Variants in MSI2 observed in about 807,000 individuals in gnomAD.
MSI2 encodes the protein RNA-binding protein Musashi homolog 2.
A neutral mutation model predicts 45.6 loss-of-function variants in MSI2; 17 were observed. That is an observed-to-expected ratio of 0.37 (90% CI 0.26 to 0.56). MSI2 has a LOEUF of 0.56. Ranked by LOEUF, MSI2 falls within the 20% of genes least tolerant of loss-of-function variation. The pLI, the probability that MSI2 is intolerant of heterozygous loss-of-function variation, is 0.77. For missense variants in MSI2, 293 were observed against 444.2 expected (o/e 0.66, Z 3.06); for synonymous variants, 156 against 158.2 (o/e 0.99, Z 0.11).
intron 6 of MSI2, among the ~76,000 whole-genome samples, chr17:57,405,030 T>C (rs1007846606): frequency 2.6e-5 from 4 of 152,030 alleles, no homozygotes; most frequent in African/African-American, 9.7e-5. Context: ...GGGGTGAAGA[T>C]GGCATTCCCA....
chr17:57,637,600 A>G (rs1909938316), intron 10 of MSI2, among the ~76,000 whole-genome samples: 1 of 152,224 alleles, frequency 6.6e-6, no homozygotes, highest in Non-Finnish European at 1.5e-5. Context: ...GGAAGCCAGG[A>G]TACTGAGTTC....
intron 5 of MSI2, among the ~76,000 whole-genome samples, chr17:57,362,704 T>G (rs1916899347): frequency 6.6e-6 from 1 of 152,164 alleles, no homozygotes; most frequent in Non-Finnish European, 1.5e-5. Context: ...CCCCCCATTC[T>G]TTTCCCTCTT....
chr17:57,471,690 A>G (rs1462663772), intron 6 of MSI2, among the ~76,000 whole-genome samples: 1 of 152,048 alleles, frequency 6.6e-6, no homozygotes, highest in Non-Finnish European at 1.5e-5. Context: ...GCAGGAGACC[A>G]TGCAGCTGTA....
rs1907223396 is a variant in MSI2 at position 57,611,861 on chromosome 17, G to T, written c.538-4109G>T. On this transcript the variant is annotated intron_variant, in intron 8 of 13. Transcript: ENST00000284073. ...TGACCACAGCGCCATGAGACCACCA[G>T]CAAGAGCCCAGCTGAGCCGGTCACC... Among the ~76,000 whole-genome samples the T allele has an allele frequency of 5.2e-5, 5 of 95,342 alleles. 2 individuals carry two copies. In the Middle Eastern group the frequency reaches 0.024, roughly 458 times the overall value. 62.5% of individuals were successfully genotyped at this position (95,342 alleles called of 152,430 possible).
At chr17:57,256,519 G>T, upstream of MSI2, 2 of 315,522 alleles carry the variant, frequency 6.3e-6, no homozygotes, top group Non-Finnish European at 1.1e-5. Flanking sequence ...GGGGACGGGG[G>T]GGTGTGCGAG....
At chr17:57,345,009 G>T (rs1398503473) in intron 5 of MSI2, among the ~76,000 whole-genome samples, 5 of 152,150 alleles carry the variant, frequency 3.3e-5, no homozygotes, top group African/African-American at 4.8e-5. Flanking sequence ...CTTGCAGTGA[G>T]CCGAGATTGT....
At chr17:57,675,706 G>A (rs2144753590) in intron 12 of MSI2, among the ~76,000 whole-genome samples, 1 of 152,260 alleles carries the variant, frequency 6.6e-6, no homozygotes, top group East Asian at 1.9e-4. Flanking sequence ...CCTCTCCCAG[G>A]CAGTTTCCTT....
At chr17:57,416,235 G>T (rs541882205) in intron 6 of MSI2, among the ~76,000 whole-genome samples, 1 of 152,188 alleles carries the variant, frequency 6.6e-6, no homozygotes, top group Non-Finnish European at 1.5e-5. Context: ...ATTTGTAGGG[G>T]GTTGTTTGTT....
intron 7 of MSI2, among the ~76,000 whole-genome samples, chr17:57,546,951 C>T (rs1322335412): frequency 2.6e-5 from 4 of 152,224 alleles, no homozygotes; most frequent in Admixed American, 6.5e-5. Context: ...GAACATACAT[C>T]ACACGATTTC....
At chr17:57,509,026 C>T (rs2086295559) in intron 6 of MSI2, among the ~76,000 whole-genome samples, 1 of 152,180 alleles carries the variant, frequency 6.6e-6, no homozygotes, top group South Asian at 2.1e-4. Flanking sequence ...TTGCAGAAAT[C>T]CACAGGGATC....
At chr17:57,540,345 G>C (rs985984936) in intron 7 of MSI2, among the ~76,000 whole-genome samples, 8 of 152,176 alleles carry the variant, frequency 5.3e-5, no homozygotes, top group African/African-American at 1.9e-4. Flanking sequence ...TGATTGGAGA[G>C]AATGTTAACA....
intron 6 of MSI2, among the ~76,000 whole-genome samples, chr17:57,402,419 G>T (rs2084010186): frequency 6.6e-6 from 1 of 152,196 alleles, no homozygotes; most frequent in South Asian, 2.1e-4. Flanking sequence ...CCTGCTGAAG[G>T]GCTGACATGG....
At chr17:57,561,782 T>C (rs1298699666) in intron 7 of MSI2, among the ~76,000 whole-genome samples, 1 of 152,146 alleles carries the variant, frequency 6.6e-6, no homozygotes, top group Admixed American at 6.6e-5. Context: ...GGGGATCGGC[T>C]GCATGTTTAA....
intron 6 of MSI2, among the ~76,000 whole-genome samples, chr17:57,461,435 T>G (rs774559508): frequency 2.6e-5 from 4 of 151,896 alleles, no homozygotes; most frequent in Non-Finnish European, 4.4e-5. Flanking sequence ...GGGCTTGGAA[T>G]GAAGGGAAGC....
At chr17:57,513,993 A>T (rs1251506032) in intron 6 of MSI2, among the ~76,000 whole-genome samples, 1 of 152,230 alleles carries the variant, frequency 6.6e-6, no homozygotes, top group Non-Finnish European at 1.5e-5. Flanking sequence ...GAGGAGATTA[A>T]GATTTCCTTT....
chr17:57,563,581 T>C (rs1401864566), intron 7 of MSI2, among the ~76,000 whole-genome samples: 2 of 152,100 alleles, frequency 1.3e-5, no homozygotes, highest in East Asian at 3.9e-4. Flanking sequence ...GTGAATGACA[T>C]TGGATAAAGC....
At chr17:57,346,606 GTCTT>G (rs769987818) in intron 5 of MSI2, among the ~76,000 whole-genome samples, 21 of 152,176 alleles carry the variant, frequency 1.4e-4, no homozygotes, top group Middle Eastern at 6.8e-3. Context: ...TTTGCAAAGT[GTCTT>G]TCTTTCTTTT....
intron 8 of MSI2, among the ~76,000 whole-genome samples, chr17:57,606,901 G>T (rs776831918): frequency 5.3e-5 from 8 of 151,926 alleles, no homozygotes; most frequent in South Asian, 4.2e-4. Context: ...GTGATGGGGG[G>T]GGGTGGCTGG....
At chr17:57,268,493 A>G (rs2143251202) in intron 5 of MSI2, 1 of 151,944 alleles carries the variant, frequency 6.6e-6, no homozygotes, top group African/African-American at 2.4e-5. Flanking sequence ...ATTTAGGTTC[A>G]TGCCTTATCT....
Sources: gnomAD v4.1 joint callset for allele counts (sites outside exome capture counted in the v4.1 genomes callset) on GRCh38, gnomAD v4.1.1 for gene constraint, MANE v1.5 for transcripts, NCBI Gene and HGNC (gene_info 2026-07-23, HGNC 2026-07-21) for gene names.